AMOTL1: variants seen among roughly 807,000 people sequenced by gnomAD.
AMOTL1 encodes the protein angiomotin-like protein 1.
A neutral mutation model predicts 102.9 loss-of-function variants in AMOTL1; 45 were observed. That is an observed-to-expected ratio of 0.44 (90% CI 0.34 to 0.56). The LOEUF is 0.56. AMOTL1 is among the 20% of genes least tolerant of loss of function. The pLI is 0.01. For synonymous variants in AMOTL1, 481 were observed against 484.7 expected, an observed-to-expected ratio of 0.99 and a Z score of 0.10; for missense variants, 1,114 against 1,225.6, an observed-to-expected ratio of 0.91 and a Z score of 1.36.
intron 7 of AMOTL1, among the ~76,000 whole-genome samples, chr11:94,851,410 T>A (rs971759484): frequency 1.3e-5 from 2 of 152,264 alleles, no homozygotes; most frequent in African/African-American, 4.8e-5. Context: ...GTCTTTTTTT[T>A]AAATCATTAT....
intron 11 of AMOTL1, among the ~76,000 whole-genome samples, chr11:94,867,277 G>A (rs73520305): frequency 2.6e-5 from 4 of 152,132 alleles, no homozygotes; most frequent in African/African-American, 7.2e-5. Flanking sequence ...CAAAGAAGAC[G>A]TGTGTGGACA....
chr11:94,815,120 G>T (rs1435310425), intron 3 of AMOTL1, among the ~76,000 whole-genome samples: 1 of 152,150 alleles, frequency 6.6e-6, no homozygotes, highest in Non-Finnish European at 1.5e-5. Flanking sequence ...TTCATGAAAT[G>T]TAATTAGAAA....
In AMOTL1 at chr11:94,834,171, A is replaced by C. The variant is rs141221147; in HGVS notation, c.1648+2630A>C. Among the ~76,000 whole-genome samples the C allele has an allele frequency of 8.5e-5, 13 of 152,358 alleles. No homozygotes were observed. In the East Asian group the frequency reaches 2.5e-3, roughly 29 times the overall value. On this transcript the variant is annotated intron_variant, in intron 6 of 12. Transcript: ENST00000433060. ...TGTTCAGAAACCCTATTGTTAGAGT[A>C]AATTTCAAACACCTAGTGATTATAA... is the stretch of plus-strand genomic sequence containing the variant.
At chr11:94,739,771 C>A (rs1950490522) in intron 2 of AMOTL1, among the ~76,000 whole-genome samples, 1 of 152,214 alleles carries the variant, frequency 6.6e-6, no homozygotes, top group Non-Finnish European at 1.5e-5. Flanking sequence ...CCAAGTCCAG[C>A]ACCCTCGCCC....
intron 4 of AMOTL1, among the ~76,000 whole-genome samples, chr11:94,824,468 C>A (rs1168234082): frequency 6.6e-6 from 1 of 152,142 alleles, no homozygotes; most frequent in South Asian, 2.1e-4. Flanking sequence ...TGATTCAAAA[C>A]CTCAGATTTT....
At chr11:94,866,503 C>T (rs988811736) in intron 11 of AMOTL1, 2 of 306,004 alleles carry the variant, frequency 6.5e-6, no homozygotes, top group African/African-American at 4.3e-5. Flanking sequence ...CTGCTCTAGA[C>T]CAGTTGTATG....
chr11:94,794,138 C>A (rs1951326968), intron 1 of AMOTL1, among the ~76,000 whole-genome samples: 1 of 152,186 alleles, frequency 6.6e-6, no homozygotes, highest in Non-Finnish European at 1.5e-5. Context: ...ATGGAATTTT[C>A]TTTTGAGCAA....
intron 1 of AMOTL1, among the ~76,000 whole-genome samples, chr11:94,719,271 C>G: frequency 6.6e-6 from 1 of 151,830 alleles, no homozygotes; most frequent in East Asian, 1.9e-4. Flanking sequence ...TTTAGTTTTA[C>G]TTTTGTTTTA....
chr11:94,876,712 A>T lies in AMOTL1; in HGVS notation c.*5917A>T, dbSNP rs536014146. On this transcript the variant is annotated 3_prime_UTR_variant, in exon 13 of 13. Transcript: ENST00000433060. ...TGCTCCTTTCTTCCTTAAAGAACTT[A>T]TAAACTGATGCTCAATAAATGTTTC... The T allele has an allele frequency of 3.3e-5, 5 of 152,784 alleles. No homozygotes were observed. In the East Asian group the frequency reaches 9.6e-4, roughly 29 times the overall value. The allele number at this position is 152,784 out of a possible 1,614,324, so 9.5% of individuals were successfully genotyped here. A position where few individuals can be genotyped will look rare whatever the true frequency, so the allele number is the denominator to read the frequency against.
At chr11:94,776,750 GGGT>G (rs1346553600) in intron 1 of AMOTL1, among the ~76,000 whole-genome samples, 2 of 152,202 alleles carry the variant, frequency 1.3e-5, no homozygotes, top group Non-Finnish European at 2.9e-5. Flanking sequence ...TTTCTGACAC[GGGT>G]GGTGTTCTGG....
intron 3 of AMOTL1, among the ~76,000 whole-genome samples, chr11:94,803,400 G>A (rs1951513101): frequency 6.6e-6 from 1 of 152,194 alleles, no homozygotes; most frequent in African/African-American, 2.4e-5. Flanking sequence ...GCCCATGTGG[G>A]TGAGCTACTG....
At chr11:94,743,558 G>A (rs1950553555) in intron 3 of AMOTL1, among the ~76,000 whole-genome samples, 1 of 151,886 alleles carries the variant, frequency 6.6e-6, no homozygotes, top group Non-Finnish European at 1.5e-5. Context: ...CATTCTTTCG[G>A]GAGCACAGAT....
intron 1 of AMOTL1, among the ~76,000 whole-genome samples, chr11:94,711,555 C>T (rs1950022132): frequency 2.0e-5 from 3 of 152,072 alleles, no homozygotes; most frequent in Non-Finnish European, 2.9e-5. Flanking sequence ...ATATCACTAA[C>T]CATATCATCA....
At chr11:94,804,106 G>C (rs1699054738) in intron 3 of AMOTL1, among the ~76,000 whole-genome samples, 1 of 152,036 alleles carries the variant, frequency 6.6e-6, no homozygotes, top group Non-Finnish European at 1.5e-5. Flanking sequence ...AATTATCTAT[G>C]TTTTGGCTTC....
intron 1 of AMOTL1, among the ~76,000 whole-genome samples, chr11:94,726,493 T>C (rs1051017840): frequency 1.3e-5 from 2 of 152,218 alleles, no homozygotes; most frequent in Non-Finnish European, 2.9e-5. Context: ...CAGAATTACA[T>C]CTGTAAGTTT....
intron 3 of AMOTL1, among the ~76,000 whole-genome samples, chr11:94,751,229 A>AT (rs200703381): frequency 0.02 from 3,039 of 151,868 alleles, 47 homozygotes; most frequent in Non-Finnish European, 0.025. Flanking sequence ...ATATATATAT[A>AT]TTTTTTTTAT....
chr11:94,715,468 G>T (rs893265112), intron 1 of AMOTL1, among the ~76,000 whole-genome samples: 1 of 152,054 alleles, frequency 6.6e-6, no homozygotes, highest in African/African-American at 2.4e-5. Flanking sequence ...ACTGCACCCA[G>T]CCCCAGCCTT....
At chr11:94,835,914 T>TC (rs1352108922) in intron 6 of AMOTL1, among the ~76,000 whole-genome samples, 2 of 152,220 alleles carry the variant, frequency 1.3e-5, no homozygotes, top group Non-Finnish European at 2.9e-5. Flanking sequence ...TTCTTGCAGG[T>TC]CTAAAAATTA....
At position 94,797,085 on chromosome 11, in the gene AMOTL1, A is replaced by G. The variant is rs4753621; in HGVS notation, c.199+1925A>G. The G allele has an allele frequency of 0.02, 18,630 of 912,534 alleles. 1,028 individuals carry two copies. The East Asian group carries it at 0.28, about 13-fold the overall frequency. The allele number at this position is 912,534 out of a possible 1,614,324, so 56.5% of individuals were successfully genotyped here. A position where few individuals can be genotyped will look rare whatever the true frequency, so the allele number is the denominator to read the frequency against. On this transcript the variant is annotated intron_variant, in intron 2 of 12. Transcript: ENST00000433060. ...ATTTGAGAATGCCATTTATAGGAAG[A>G]AAAGATGAACTTGGGGAAGAAAGAT...
Sources: allele counts gnomAD v4.1 joint callset (sites outside exome capture counted in the v4.1 genomes callset), GRCh38; gene constraint gnomAD v4.1.1; transcripts MANE v1.5; gene names NCBI Gene and HGNC (gene_info 2026-07-23, HGNC 2026-07-21).